Variants in CEP250 observed in about 807,000 individuals in gnomAD.
CEP250 encodes centrosome-associated protein CEP250.
A neutral mutation model predicts 315.7 loss-of-function variants in CEP250; 242 were observed. The observed-to-expected ratio is 0.77, with a 90% CI of 0.69 to 0.85. The LOEUF (loss-of-function observed/expected upper bound fraction) is 0.85, where lower values mean the gene tolerates loss of function less well. Ranked by LOEUF, CEP250 falls within the 40% of genes least tolerant of loss-of-function variation. The pLI is 0.00. For missense variants in CEP250, 2,515 were observed against 2,886.4 expected, an observed-to-expected ratio of 0.87 and a Z score of 2.95; for synonymous variants, 1,088 against 1,175.0, an observed-to-expected ratio of 0.93 and a Z score of 1.51.
At position 35,509,118 on chromosome 20, in the gene CEP250, C is replaced by A. The variant is rs1005205763; in HGVS notation, c.7008+74C>A. 5.6e-6 allele frequency: 7 copies of A among 1,242,624 alleles called. No homozygotes were observed. The African/African-American group carries it at 1.0e-4, about 19-fold the overall frequency. The allele number at this position is 1,242,624 out of a possible 1,614,324, so 77.0% of individuals were successfully genotyped here. A position where few individuals can be genotyped will look rare whatever the true frequency, so the allele number is the denominator to read the frequency against. ...ACCAGAAACTCAGCCCTCCTCATTG[C>A]ATATCCCGGGCCAACAGCACTTCAG... On this transcript the variant is annotated intron_variant, in intron 33 of 34. Coordinates refer to ENST00000397527, the MANE Select transcript of CEP250 (RefSeq NM_007186.6).
Position 35,478,097 on chromosome 20 carries a change from G to A in CEP250, c.2090G>A (p.Ser697Asn), listed in dbSNP as rs1015906684. ...EEKEEIQKKL[S>N]ESRHQQEAAT... ...AAGGAAGAAATTCAAAAGAAACTAA[G>A]TGAGGTGAGAAGCCAAAATGGACAC... The change falls in exon 17 of 35, where the codon AGT (serine) becomes AAT (asparagine). Residue 697 changes from serine to asparagine, a missense_variant. By Grantham distance (46) the Ser-to-Asn change is conservative. Coordinates refer to ENST00000397527, the MANE Select transcript of CEP250 (RefSeq NM_007186.6). The A allele has an allele frequency of 8.7e-6, 14 of 1,611,720 alleles. No individual in the cohort carries two copies. Among genetic ancestry groups the A allele is most frequent in the Non-Finnish European group, 1.2e-5 (14 of 1,178,426 alleles).
chr20:35,506,295 A>T (rs184139689), intron 30 of CEP250, among the ~76,000 whole-genome samples: 11 of 152,286 alleles, frequency 7.2e-5, no homozygotes, highest in Admixed American at 5.9e-4. Context: ...GACACTTTGG[A>T]GTCATCAGCA....
chr20:35,478,200 T>G (rs1036269971), intron 17 of CEP250, 99 bp downstream of exon 17: 12 of 813,170 alleles, frequency 1.5e-5, no homozygotes, highest in Non-Finnish European at 2.0e-5. Context: ...TGAAAAAGTC[T>G]TACTTCCTAG....
At position 35,511,499 on chromosome 20, in the gene CEP250, C is replaced by G; in HGVS notation, c.7202C>G (p.Ala2401Gly). 1 of 1,614,192 alleles carries G rather than the reference C, an allele frequency of 6.2e-7. No individual in the cohort carries two copies. The highest frequency in any genetic ancestry group is 8.5e-7 in the Non-Finnish European group (1 of 1,180,026). Residue 2401 changes from alanine (A) to glycine (G), a missense_variant, in exon 35 of 35, where the codon GCC becomes GGC. By Grantham distance (60) the Ala-to-Gly change is moderately conservative (BLOSUM62 0). Coordinates refer to ENST00000397527, the MANE Select transcript of CEP250 (RefSeq NM_007186.6). ...LSHSLLAVAQAPEATVLEAET... is the reference protein window; with the variant it reads ...LSHSLLAVAQGPEATVLEAET... The stretch of plus-strand genomic sequence containing the variant: ...CACTCACTTCTTGCCGTGGCCCAGG[C>G]CCCTGAGGCCACTGTCCTGGAGGCA...
chr20:35,467,242 T>G, intron 8 of CEP250, 62 bp from the exon 9 acceptor site: 5 of 1,569,156 alleles, frequency 3.2e-6, no homozygotes, highest in Non-Finnish European at 4.3e-6. Context: ...TCACTGGGCC[T>G]GATCACCACA....
intron 3 of CEP250, among the ~76,000 whole-genome samples, chr20:35,460,443 G>A (rs1362147228): frequency 6.6e-6 from 1 of 152,218 alleles, no homozygotes; most frequent in African/African-American, 2.4e-5. Flanking sequence ...GAATCGGTGT[G>A]TGCATAGGGG....
Position 35,480,096 on chromosome 20 carries a change from A to C in CEP250, c.2537A>C (p.Gln846Pro). 6.2e-7 allele frequency: 1 copy of C among 1,612,680 alleles called. No homozygotes were observed. The highest frequency in any genetic ancestry group is 8.5e-7 in the Non-Finnish European group (1 of 1,180,022). Residue 846 changes from glutamine to proline, a missense_variant, in exon 20 of 35, where the codon CAG becomes CCG. Transcript: ENST00000397527. Reference protein sequence around the residue: ...AEQEGKTALEQQKAAHEKEVN... With the variant: ...AEQEGKTALEPQKAAHEKEVN... The stretch of plus-strand genomic sequence containing the variant: ...CAAGAAGGGAAGACTGCCTTGGAGC[A>C]GCAGAAGGCAGCCCATGAGAAAGAG...
rs752064527 is a variant in CEP250, at chr20:35,504,386, A to T, written c.6017A>T (p.Asp2006Val). 6.2e-7 allele frequency: 1 copy of T among 1,602,268 alleles called. No homozygotes were observed. Among genetic ancestry groups the T allele is most frequent in the East Asian group, 2.3e-5 (1 of 44,408 alleles). The change falls in exon 30 of 35, where the codon GAT becomes GTT. Residue 2006 changes from aspartate to valine, a missense_variant. Transcript: ENST00000397527. ...ACTGCAACCCTGCAAGCCTCCCTGG[A>T]TGCCTGCCAGGCACACAGTCGGCAG... ...ASTATLQASL[D>V]ACQAHSRQLE...
In CEP250 at chr20:35,517,566, T is replaced by G. The variant is rs2064446883; in HGVS notation, c.*5940T>G. Reference sequence around the variant, plus strand: ...TTGGTAGACTTTCTTGTCATCTATTTAAAATGAAACAAGTGCATGTACGTG... The same window carrying G: ...TTGGTAGACTTTCTTGTCATCTATTGAAAATGAAACAAGTGCATGTACGTG... On this transcript the variant is annotated 3_prime_UTR_variant, in exon 35 of 35. Coordinates refer to ENST00000397527, the MANE Select transcript of CEP250 (RefSeq NM_007186.6). The G allele has an allele frequency of 6.6e-6, 1 of 152,172 alleles. No homozygotes were observed. Among genetic ancestry groups the G allele is most frequent in the Non-Finnish European group, 1.5e-5 (1 of 68,034 alleles). The allele number at this position is 152,172 out of a possible 1,614,324, so 9.4% of individuals were successfully genotyped here.
intron 17 of CEP250, 88 bp downstream of exon 17, chr20:35,478,189 G>A: frequency 1.1e-6 from 1 of 888,858 alleles, no homozygotes; most frequent in South Asian, 1.7e-5. Context: ...TATCTGGAAA[G>A]TGAAAAAGTC....
intron 17 of CEP250, 79 bp downstream of exon 17, chr20:35,478,180 A>G: frequency 1.1e-6 from 1 of 929,322 alleles, no homozygotes; most frequent in Middle Eastern, 2.3e-4. Context: ...TACAGAAATT[A>G]TCTGGAAAGT....
intron 28 of CEP250, among the ~76,000 whole-genome samples, chr20:35,501,216 A>T (rs1437916412): frequency 6.6e-6 from 1 of 152,144 alleles, no homozygotes; most frequent in Non-Finnish European, 1.5e-5. Flanking sequence ...GGGCACCTGT[A>T]ATCCCAACTA....
chr20:35,487,932 C>G (rs969944359), intron 20 of CEP250, among the ~76,000 whole-genome samples: 1 of 152,086 alleles, frequency 6.6e-6, no homozygotes, highest in East Asian at 1.9e-4. Flanking sequence ...ACTTGGCTGC[C>G]CATTTATTTT....
Position 35,519,040 on chromosome 20 carries a change from A to T in CEP250, c.*7414A>T, listed in dbSNP as rs1434331545. On this transcript the variant is annotated 3_prime_UTR_variant, in exon 35 of 35. Coordinates refer to ENST00000397527, the MANE Select transcript of CEP250 (RefSeq NM_007186.6). The stretch of plus-strand genomic sequence containing the variant: ...AGAGCAAGACTCCGTCTCAAAAAAA[A>T]AAAAAATACGAAAAACAAAAAACAT... 1 of 152,010 alleles carries T rather than the reference A, an allele frequency of 6.6e-6. No individual in the cohort carries two copies. The highest frequency in any genetic ancestry group is 6.6e-5 in the Admixed American group (1 of 15,238). The allele number at this position is 152,010 out of a possible 1,614,324, so 9.4% of individuals were successfully genotyped here. A position where few individuals can be genotyped will look rare whatever the true frequency, so the allele number is the denominator to read the frequency against.
intron 33 of CEP250, among the ~76,000 whole-genome samples, chr20:35,509,681 C>G (rs1463185079): frequency 6.6e-6 from 1 of 152,236 alleles, no homozygotes; most frequent in East Asian, 1.9e-4. Context: ...ATCCTTAGCT[C>G]ACAGCCCAGG....
chr20:35,462,695 T>G, intron 4 of CEP250, 142 bp downstream of exon 4: 1 of 634,742 alleles, frequency 1.6e-6, no homozygotes, highest in Non-Finnish European at 2.7e-6. Context: ...CCAGACCTTC[T>G]AGCTTTCATG....
At position 35,503,632 on chromosome 20, in the gene CEP250, C is replaced by T. The variant is rs756049234; in HGVS notation, c.5263C>T (p.Leu1755=). The T allele has an allele frequency of 5.0e-6, 8 of 1,613,990 alleles. No homozygotes were observed. The highest frequency in any genetic ancestry group is 3.3e-5 in the Admixed American group (2 of 59,994). ...IHELQELKDQ[L]EQQLQGLHRK... is the part of the protein sequence containing the mutation. ...TGAACTCCAGGAGCTCAAAGACCAGCTGGAGCAGCAGCTCCAGGGCCTGCA... is the reference window on the plus strand; with the variant it reads ...TGAACTCCAGGAGCTCAAAGACCAGTTGGAGCAGCAGCTCCAGGGCCTGCA... The change falls in exon 30 of 35, where the codon CTG becomes TTG. Residue 1755 remains leucine (L), a synonymous_variant. Coordinates refer to ENST00000397527, the MANE Select transcript of CEP250 (RefSeq NM_007186.6). The surrounding 1 kb of genome is among the most constrained non-coding windows in gnomAD (Gnocchi z 4.2).
At chr20:35,472,941 A>G (rs1402543561) in intron 12 of CEP250, 110 bp downstream of exon 12, 1 of 1,078,528 alleles carries the variant, frequency 9.3e-7, no homozygotes, top group Non-Finnish European at 1.4e-6. Flanking sequence ...TTGACCAGTC[A>G]TGAGGTGTTC....
chr20:35,463,498 A>C, intron 4 of CEP250, 77 bp from the exon 5 acceptor site: 1 of 1,330,016 alleles, frequency 7.5e-7, no homozygotes, highest in Non-Finnish European at 1.0e-6. Context: ...AGTTTGCCTA[A>C]GATCCTCAGG....
Sources: allele counts gnomAD v4.1 joint callset (sites outside exome capture counted in the v4.1 genomes callset), GRCh38; gene constraint gnomAD v4.1.1; non-coding constraint Gnocchi (gnomAD v3.1); transcripts MANE v1.5; gene names NCBI Gene and HGNC (gene_info 2026-07-23, HGNC 2026-07-21).